Variants in WASF3 observed in about 807,000 individuals in gnomAD.
The protein encoded by WASF3 is WASP family member 3.
A neutral mutation model predicts 46.6 loss-of-function variants in WASF3; 11 were observed. That is an observed-to-expected ratio of 0.24 (90% CI 0.15 to 0.39). WASF3 has a LOEUF of 0.39. WASF3 is among the 10% of genes least tolerant of loss of function. WASF3 has a pLI of 1.00. For synonymous variants in WASF3, 242 were observed against 259.7 expected (o/e 0.93, Z 0.65); for missense variants, 576 against 669.8 (o/e 0.86, Z 1.55).
At chr13:26,560,542 G>A (rs916829919) in intron 1 of WASF3, among the ~76,000 whole-genome samples, 1 of 152,072 alleles carries the variant, frequency 6.6e-6, no homozygotes, top group African/African-American at 2.4e-5. Flanking sequence ...CTAGGTACCA[G>A]GTACTATTTT....
intron 1 of WASF3, among the ~76,000 whole-genome samples, chr13:26,591,657 G>A (rs907623254): frequency 2.6e-5 from 4 of 152,290 alleles, no homozygotes; most frequent in Middle Eastern, 3.4e-3. Context: ...AGACATCCAC[G>A]TGAAGACACT....
intron 7 of WASF3, chr13:26,680,050 C>G (rs767254677): frequency 3.8e-6 from 6 of 1,596,790 alleles, no homozygotes; most frequent in Non-Finnish European, 1.7e-6. Context: ...GAAACACAAG[C>G]TGAACCCTAA....
At chr13:26,629,881 T>C (rs1881599049) in intron 2 of WASF3, among the ~76,000 whole-genome samples, 3 of 152,198 alleles carry the variant, frequency 2.0e-5, no homozygotes, top group African/African-American at 7.2e-5. Flanking sequence ...GGTAATATAG[T>C]ACATTTAATA....
At position 26,682,369 on chromosome 13, in the gene WASF3, T is replaced by C. The variant is rs1228831320; in HGVS notation, c.984-238T>C. On this transcript the variant is annotated intron_variant, in intron 8 of 9. Transcript: ENST00000335327. This position sits in a 1 kb window ranked among gnomAD's most constrained non-coding sequence, Gnocchi z 4.4. The stretch of plus-strand genomic sequence containing the variant: ...CCTTTCTTCAGGAAGTGCTGCACTT[T>C]TTGAGTGGTCCTCCTTTTGGCACAT... Among the ~76,000 whole-genome samples, 2 of 152,218 alleles carry C rather than the reference T, an allele frequency of 1.3e-5. No individual in the cohort carries two copies. Among genetic ancestry groups the C allele is most frequent in the Non-Finnish European group, 2.9e-5 (2 of 68,038 alleles).
At chr13:26,561,392 G>A (rs542512192) in intron 1 of WASF3, among the ~76,000 whole-genome samples, 3 of 152,182 alleles carry the variant, frequency 2.0e-5, no homozygotes, top group South Asian at 2.1e-4. Flanking sequence ...GCTCTGGCTG[G>A]GTGGTTGGGT....
chr13:26,662,128 A>G (rs1768837640), intron 3 of WASF3, among the ~76,000 whole-genome samples: 2 of 152,254 alleles, frequency 1.3e-5, no homozygotes, highest in African/African-American at 2.4e-5. Flanking sequence ...AAAGGCTACT[A>G]TTAAAAAGTC....
intron 1 of WASF3, among the ~76,000 whole-genome samples, chr13:26,592,333 A>G (rs1220345335): frequency 6.6e-6 from 1 of 152,140 alleles, no homozygotes; most frequent in Non-Finnish European, 1.5e-5. Context: ...TATGAATTTT[A>G]TGGTAATTTT....
intron 1 of WASF3, among the ~76,000 whole-genome samples, chr13:26,599,159 G>GCCTGC: frequency 6.7e-6 from 1 of 149,054 alleles, no homozygotes; most frequent in Middle Eastern, 4.0e-3. Context: ...GCTGCGCCTG[G>GCCTGC]CCTGCCCTGC....
intron 1 of WASF3, among the ~76,000 whole-genome samples, chr13:26,561,011 G>A (rs1447912607): frequency 6.6e-6 from 1 of 152,180 alleles, no homozygotes; most frequent in Non-Finnish European, 1.5e-5. Context: ...TGTACAGAGA[G>A]ATGGTCAGGG....
chr13:26,606,230 C>G (rs1880791860), intron 1 of WASF3, among the ~76,000 whole-genome samples: 1 of 152,118 alleles, frequency 6.6e-6, no homozygotes, highest in African/African-American at 2.4e-5. Flanking sequence ...TCACAGGAGA[C>G]AGACAGGTGG....
chr13:26,649,885 G>A (rs1882261166), intron 3 of WASF3, among the ~76,000 whole-genome samples: 2 of 151,860 alleles, frequency 1.3e-5, no homozygotes, highest in African/African-American at 4.8e-5. Flanking sequence ...GCCTGGCCAA[G>A]GTGGTGAAAC....
chr13:26,559,658 C>T lies in WASF3; in HGVS notation c.-109+1839C>T, dbSNP rs147684418. Among the ~76,000 whole-genome samples, 219 of 152,198 alleles carry T rather than the reference C, an allele frequency of 1.4e-3. 2 individuals are homozygous for T. Among genetic ancestry groups the T allele is most frequent in the African/African-American group, 4.9e-3 (203 of 41,536 alleles). On this transcript the variant is annotated intron_variant, in intron 1 of 9. Transcript: ENST00000335327. ...ATAATGCAAGTATTAAATGAATTGTCCCTACTCACGGGCTAGTACTAGTGA... is the reference window on the plus strand; with the variant it reads ...ATAATGCAAGTATTAAATGAATTGTTCCTACTCACGGGCTAGTACTAGTGA...
At chr13:26,598,666 G>C (rs1880549795) in intron 1 of WASF3, among the ~76,000 whole-genome samples, 1 of 152,172 alleles carries the variant, frequency 6.6e-6, no homozygotes, top group East Asian at 1.9e-4. Context: ...GTTTTCGGCA[G>C]TTTTCACTCC....
chr13:26,633,987 C>G (rs1347564831), intron 2 of WASF3, among the ~76,000 whole-genome samples: 1 of 152,138 alleles, frequency 6.6e-6, no homozygotes, highest in Admixed American at 6.5e-5. Flanking sequence ...GTGGAGAGTT[C>G]TGTAGATGTC....
chr13:26,643,706 T>C (rs1882066895), intron 3 of WASF3, among the ~76,000 whole-genome samples: 1 of 152,234 alleles, frequency 6.6e-6, no homozygotes, highest in Non-Finnish European at 1.5e-5. Context: ...TGGCACAAAG[T>C]GTAAGTGATG....
At chr13:26,605,382 C>T (rs186771300) in intron 1 of WASF3, among the ~76,000 whole-genome samples, 1 of 152,282 alleles carries the variant, frequency 6.6e-6, no homozygotes, top group African/African-American at 2.4e-5. Flanking sequence ...GATTCAAATT[C>T]TCATGCTCAT....
chr13:26,596,466 T>C (rs888861386), intron 1 of WASF3, among the ~76,000 whole-genome samples: 5 of 152,188 alleles, frequency 3.3e-5, no homozygotes, highest in Non-Finnish European at 5.9e-5. Flanking sequence ...ATTCTGACTT[T>C]AATTATTTTT....
chr13:26,643,799 G>A (rs1170536619), intron 3 of WASF3, among the ~76,000 whole-genome samples: 1 of 152,164 alleles, frequency 6.6e-6, no homozygotes, highest in Non-Finnish European at 1.5e-5. Context: ...TGTTAGTTGT[G>A]TTTATGGTGT....
chr13:26,653,263 C>T (rs143341654), intron 3 of WASF3, among the ~76,000 whole-genome samples: 16 of 152,188 alleles, frequency 1.1e-4, no homozygotes, highest in African/African-American at 2.9e-4. Context: ...TTATTTTTCC[C>T]CCTCTTTCTG....
Sources: gnomAD v4.1 joint callset for allele counts (sites outside exome capture counted in the v4.1 genomes callset) on GRCh38, gnomAD v4.1.1 for gene constraint, Gnocchi (gnomAD v3.1) non-coding constraint, MANE v1.5 for transcripts, NCBI Gene and HGNC (gene_info 2026-07-23, HGNC 2026-07-21) for gene names.